ZNF320: variants seen among roughly 807,000 people sequenced by gnomAD.
The protein encoded by ZNF320 is zinc finger protein 320, also known as zinc finger gene 320.
Under a neutral mutation model 6.8 loss-of-function variants are expected in ZNF320, and 2 were observed. The observed-to-expected ratio is 0.29, with a 90% CI of 0.12 to 0.93. The LOEUF (loss-of-function observed/expected upper bound fraction) is 0.93. Ranked by LOEUF, ZNF320 falls within the 40% of genes least tolerant of loss-of-function variation. The probability of loss-of-function intolerance (pLI) is 0.55; values close to 1 mark genes in which losing one functional copy is unlikely to be tolerated. For missense variants in ZNF320, 472 were observed against 611.0 expected (o/e 0.77, Z 2.40); for synonymous variants, 208 against 203.2 (o/e 1.02, Z -0.20).
chr19:52,882,063 C>T (rs1751759969), intron 5 of ZNF320, 80 bp from the exon 6 acceptor site: 1 of 1,330,864 alleles, frequency 7.5e-7, no homozygotes, highest in Admixed American at 2.4e-5. Context: ...ATCACACACA[C>T]ACAAAAATAC....
chr19:52,903,049 T>C, the ZNF320 span, among the ~76,000 whole-genome samples: 1 of 152,204 alleles, frequency 6.6e-6, no homozygotes, highest in African/African-American at 2.4e-5. Flanking sequence ...CTTTTTACTA[T>C]AGGTATATTT....
downstream of ZNF320, among the ~76,000 whole-genome samples, chr19:52,875,192 A>C (rs1287498992): frequency 6.6e-6 from 1 of 152,176 alleles, no homozygotes; most frequent in African/African-American, 2.4e-5. Flanking sequence ...AGCTTCCAGA[A>C]ATACACTGTC....
At chr19:52,885,746 A>G (rs929228687) in intron 5 of ZNF320, among the ~76,000 whole-genome samples, 3 of 151,850 alleles carry the variant, frequency 2.0e-5, no homozygotes, top group Non-Finnish European at 4.4e-5. Flanking sequence ...TAAAACAATA[A>G]AAATACAAAA....
At chr19:52,889,669 C>A (rs1034690343) in intron 4 of ZNF320, among the ~76,000 whole-genome samples, 4 of 152,088 alleles carry the variant, frequency 2.6e-5, no homozygotes, top group Non-Finnish European at 5.9e-5. Context: ...GGTTGATTTC[C>A]TATTCTTAAA....
In ZNF320 at chr19:52,880,691, T is replaced by C. The variant is rs573045488; in HGVS notation, c.1435A>G (p.Ser479Gly). ...TGTTCTGCAAGGAGTGACCTCAGAC[T>C]AAAGACCTTGCCACACTGATGACAT... ...YKCHQCGKVF[S>G]LRSLLAEHQK... Residue 479 changes from serine (S) to glycine (G), a missense_variant, in exon 6 of 6, where the codon AGT (serine) becomes GGT (glycine). By Grantham distance (56) the Ser-to-Gly change is moderately conservative. Transcript: ENST00000682928. The C allele has an allele frequency of 6.2e-7, 1 of 1,613,976 alleles. No homozygotes were observed. The highest frequency in any genetic ancestry group is 8.5e-7 in the Non-Finnish European group (1 of 1,179,868).
chr19:52,875,206 C>A (rs114030411), downstream of ZNF320, among the ~76,000 whole-genome samples: 1,931 of 152,270 alleles, frequency 0.013, 39 homozygotes, highest in African/African-American at 0.044. Flanking sequence ...CACTGTCACC[C>A]TCATCTGAGA....
At chr19:52,864,554 G>A (rs2063511164) in intron 5 of ZNF320, among the ~76,000 whole-genome samples, 1 of 152,078 alleles carries the variant, frequency 6.6e-6, no homozygotes, top group South Asian at 2.1e-4. Context: ...ATCCCAGCAC[G>A]TTGAGAAGTG....
At chr19:52,865,955 CAT>C (rs1231313414) in intron 5 of ZNF320, among the ~76,000 whole-genome samples, 1 of 115,806 alleles carries the variant, frequency 8.6e-6, no homozygotes. Flanking sequence ...ATATATTATA[CAT>C]ATATATTTAT....
exon 6 of ZNF320, chr19:52,863,783 C>T: frequency 5.3e-6 from 1 of 187,648 alleles, no homozygotes; most frequent in East Asian, 1.8e-4. Context: ...CCTGTAATCC[C>T]AGCACTTTAG....
chr19:52,876,672 A>G lies in ZNF320; in HGVS notation c.*3924T>C, dbSNP rs1234958162. 1 of 152,046 alleles carries G rather than the reference A, an allele frequency of 6.6e-6. No individual in the cohort carries two copies. Among genetic ancestry groups the G allele is most frequent in the East Asian group, 1.9e-4 (1 of 5,172 alleles). The allele number at this position is 152,046 out of a possible 1,614,324, so 9.4% of individuals were successfully genotyped here. On this transcript the variant is annotated 3_prime_UTR_variant, in exon 6 of 6. Coordinates refer to ENST00000682928, the MANE Select transcript of ZNF320 (RefSeq NM_001351774.2). ...GCCACCACACCAGGCTAATTTCTAT[A>G]TTTTGGTCAAAACGAGGATTCGCCA...
At chr19:52,865,884 TACATATATTTATATATATGATTATAC>T (rs1202492085) in intron 5 of ZNF320, among the ~76,000 whole-genome samples, 6 of 125,592 alleles carry the variant, frequency 4.8e-5, no homozygotes, top group African/African-American at 1.6e-4. Flanking sequence ...TTATATATTA[TACATATATTTATATATATGATTATAC>T]ACATATATTT....
At chr19:52,887,013 A>AGGAAGGAAGGAAGGAAGG (rs1555821425) in intron 5 of ZNF320, among the ~76,000 whole-genome samples, 56 of 143,300 alleles carry the variant, frequency 3.9e-4, no homozygotes, top group African/African-American at 1.3e-3. Context: ...AAGGAAAAGA[A>AGGAAGGAAGGAAGGAAGG]AAAACAAAAC....
upstream of ZNF320, among the ~76,000 whole-genome samples, chr19:52,902,407 A>G (rs973689301): frequency 6.6e-6 from 1 of 152,250 alleles, no homozygotes; most frequent in Non-Finnish European, 1.5e-5. Context: ...AAGGGGGACA[A>G]TCAGGGCCTC....
At chr19:52,899,488 A>G (rs1012969846), upstream of ZNF320, among the ~76,000 whole-genome samples, 1 of 151,966 alleles carries the variant, frequency 6.6e-6, no homozygotes, top group African/African-American at 2.4e-5. Flanking sequence ...TTGGTGATGG[A>G]GTCTCGCTCT....
At chr19:52,889,662 T>A (rs1684121967) in intron 4 of ZNF320, among the ~76,000 whole-genome samples, 1 of 152,186 alleles carries the variant, frequency 6.6e-6, no homozygotes, top group African/African-American at 2.4e-5. Context: ...TTATTTAGGT[T>A]GATTTCCTAT....
chr19:52,868,924 G>A (rs1190958165), intron 5 of ZNF320, among the ~76,000 whole-genome samples: 4 of 152,096 alleles, frequency 2.6e-5, no homozygotes, highest in Non-Finnish European at 5.9e-5. Context: ...GACTTACTCA[G>A]TGAGAGTAGT....
chr19:52,892,867 A>C (rs2064349360), intron 2 of ZNF320, among the ~76,000 whole-genome samples: 4 of 150,744 alleles, frequency 2.7e-5, no homozygotes, highest in Non-Finnish European at 3.0e-5. Context: ...CCTGGCTCCA[A>C]ATCCCTCCTC....
chr19:52,888,779 A>G (rs578237191), intron 4 of ZNF320, among the ~76,000 whole-genome samples: 6 of 152,172 alleles, frequency 3.9e-5, no homozygotes, highest in Non-Finnish European at 8.8e-5. Flanking sequence ...TTCAAAATAT[A>G]AAAGATTTTC....
chr19:52,869,721 TTATG>T (rs1298989407), intron 5 of ZNF320, among the ~76,000 whole-genome samples: 2 of 151,700 alleles, frequency 1.3e-5, no homozygotes, highest in Admixed American at 1.3e-4. Context: ...ATTTATTTAT[TTATG>T]TATTTATAGA....
Sources: gnomAD v4.1 joint callset for allele counts (sites outside exome capture counted in the v4.1 genomes callset) on GRCh38, gnomAD v4.1.1 for gene constraint, MANE v1.5 for transcripts, NCBI Gene and HGNC (gene_info 2026-07-23, HGNC 2026-07-21) for gene names.